WWC1: variants seen among roughly 807,000 people sequenced by gnomAD.
WWC1 encodes the protein WW and C2 domain containing 1.
A neutral mutation model predicts 138.4 loss-of-function variants in WWC1; 55 were observed. The observed-to-expected ratio is 0.40, with a 90% CI of 0.32 to 0.50. WWC1 has a LOEUF of 0.50. Among genes scored for constraint, WWC1 ranks in the 20% least tolerant of loss-of-function variants. The probability of loss-of-function intolerance (pLI) is 0.72; values close to 1 mark genes in which losing one functional copy is unlikely to be tolerated. For missense variants in WWC1, 1,226 were observed against 1,420.4 expected, an observed-to-expected ratio of 0.86 and a Z score of 2.20; for synonymous variants, 524 against 564.9, an observed-to-expected ratio of 0.93 and a Z score of 1.03.
intron 17 of WWC1, among the ~76,000 whole-genome samples, chr5:168,447,936 G>T (rs1324286639): frequency 2.0e-5 from 3 of 151,994 alleles, no homozygotes; most frequent in Non-Finnish European, 2.9e-5. Flanking sequence ...ACAGGCAAAG[G>T]TCTGATGCCA....
chr5:168,302,505 G>A (rs943403448), intron 1 of WWC1, among the ~76,000 whole-genome samples: 2 of 152,160 alleles, frequency 1.3e-5, no homozygotes, highest in African/African-American at 4.8e-5. Flanking sequence ...GACACCTGTC[G>A]ACAGTGGTGG....
intron 9 of WWC1, 67 bp downstream of exon 9, chr5:168,414,657 T>A: frequency 1.4e-6 from 2 of 1,478,166 alleles, no homozygotes. Context: ...AGCCCCCAGA[T>A]GGGGGAAGAA....
intron 15 of WWC1, among the ~76,000 whole-genome samples, chr5:168,437,728 A>C (rs549064613): frequency 3.3e-4 from 51 of 152,310 alleles, no homozygotes; most frequent in African/African-American, 1.2e-3. Context: ...AGCCCGCCCC[A>C]GATAAACAGT....
intron 1 of WWC1, among the ~76,000 whole-genome samples, chr5:168,342,675 C>T (rs1478105137): frequency 6.6e-6 from 1 of 151,944 alleles, no homozygotes; most frequent in Non-Finnish European, 1.5e-5. Context: ...CTATACCACA[C>T]TGTGTGGAGG....
chr5:168,467,627 C>A, intron 21 of WWC1: 1 of 637,012 alleles, frequency 1.6e-6, no homozygotes, highest in Non-Finnish European at 2.6e-6. Flanking sequence ...TCCTCAGATC[C>A]ACAGTTATTC....
chr5:168,372,434 G>A lies in WWC1; in HGVS notation c.229+901G>A, dbSNP rs1328097893. Among the ~76,000 whole-genome samples, 4 of 152,194 alleles carry A rather than the reference G, an allele frequency of 2.6e-5. No homozygotes were observed. In the East Asian group the frequency reaches 7.7e-4, roughly 29 times the overall value. ...GCATCCCCTTAATCCTCTCAGGCAA[G>A]AAGAAAATAGAATGAAATGGGATGT... On this transcript the variant is annotated intron_variant, in intron 2 of 22. Transcript: ENST00000265293.
intron 8 of WWC1, among the ~76,000 whole-genome samples, chr5:168,413,766 T>G (rs1663687725): frequency 6.6e-6 from 1 of 152,220 alleles, no homozygotes; most frequent in Non-Finnish European, 1.5e-5. Context: ...GGTCCAGAAC[T>G]GTCAGTGACT....
intron 1 of WWC1, among the ~76,000 whole-genome samples, chr5:168,366,734 C>T (rs1291142969): frequency 1.3e-5 from 2 of 151,864 alleles, no homozygotes. Context: ...GTCCCGTCCT[C>T]CTAACCCCAT....
chr5:168,304,919 G>T (rs187561008), intron 1 of WWC1, among the ~76,000 whole-genome samples: 134 of 151,616 alleles, frequency 8.8e-4, no homozygotes, highest in Non-Finnish European at 1.3e-3. Context: ...TTTGCCTCCT[G>T]GGTTCAAATG....
At chr5:168,326,060 G>A (rs1002998392) in intron 1 of WWC1, among the ~76,000 whole-genome samples, 2 of 151,894 alleles carry the variant, frequency 1.3e-5, no homozygotes, top group African/African-American at 2.4e-5. Context: ...TTCCTCTGTC[G>A]GTGGACATTT....
At chr5:168,468,002 C>T (rs540599113) in intron 22 of WWC1, 38 bp downstream of exon 22, 3 of 1,612,370 alleles carry the variant, frequency 1.9e-6, no homozygotes, top group Non-Finnish European at 2.5e-6. Flanking sequence ...ATCCCTTTCT[C>T]AGCCAACCCA....
At chr5:168,446,227 A>T (rs1379662175) in intron 17 of WWC1, among the ~76,000 whole-genome samples, 1 of 114,334 alleles carries the variant, frequency 8.7e-6, no homozygotes, top group African/African-American at 3.8e-5. Context: ...CTTCTCTCCC[A>T]TTATTAAAAA....
chr5:168,453,956 T>C lies in WWC1; in HGVS notation c.2526-12T>C. 1 of 1,611,574 alleles carries C rather than the reference T, an allele frequency of 6.2e-7. No individual in the cohort carries two copies. Among genetic ancestry groups the C allele is most frequent in the Non-Finnish European group, 8.5e-7 (1 of 1,179,658 alleles). The stretch of plus-strand genomic sequence containing the variant: ...CTTCTGGGTGGGTAACCAAAGTGCT[T>C]TGTCATCACAGGAGGTATGAGGAGA... On this transcript the variant is annotated splice_polypyrimidine_tract_variant and intron_variant, in intron 17 of 22. Coordinates refer to ENST00000265293, the MANE Select transcript of WWC1 (RefSeq NM_015238.3).
At chr5:168,442,628 G>A (rs1409509489) in intron 16 of WWC1, among the ~76,000 whole-genome samples, 1 of 151,894 alleles carries the variant, frequency 6.6e-6, no homozygotes, top group Non-Finnish European at 1.5e-5. Flanking sequence ...CTTGAGGTCA[G>A]GAGTTTGAGA....
Position 168,291,654 on chromosome 5 carries a change from G to A in WWC1, c.-499G>A, listed in dbSNP as rs940908368. 2 of 152,112 alleles carry A rather than the reference G, an allele frequency of 1.3e-5. No homozygotes were observed. Among genetic ancestry groups the A allele is most frequent in the Non-Finnish European group, 1.5e-5 (1 of 67,862 alleles). 9.4% of individuals were successfully genotyped at this position (152,112 alleles called of 1,614,324 possible). ...CGGCGCTCCGCCTCCCGTTTCCGGGGCAGCGCGGTTACCTGCACCGCCCGA... is the reference window on the plus strand; with the variant it reads ...CGGCGCTCCGCCTCCCGTTTCCGGGACAGCGCGGTTACCTGCACCGCCCGA... On this transcript the variant is annotated 5_prime_UTR_variant, in exon 1 of 23. Transcript: ENST00000265293.
chr5:168,322,161 A>G (rs1023366054), intron 1 of WWC1, among the ~76,000 whole-genome samples: 1 of 152,186 alleles, frequency 6.6e-6, no homozygotes. Flanking sequence ...ATTGATGCAA[A>G]TGCAGCTCTT....
chr5:168,411,891 G>T, intron 8 of WWC1: 1 of 831,928 alleles, frequency 1.2e-6, no homozygotes, highest in South Asian at 5.5e-5. Context: ...CAGGTGACTT[G>T]AAAGTACGAA....
intron 1 of WWC1, among the ~76,000 whole-genome samples, chr5:168,326,303 C>T (rs1377099815): frequency 1.3e-5 from 2 of 150,006 alleles, no homozygotes; most frequent in South Asian, 2.1e-4. Context: ...CCGCAACCTC[C>T]GCCTCCCAGG....
At chr5:168,388,950 C>T (rs910544689) in intron 3 of WWC1, among the ~76,000 whole-genome samples, 1 of 151,962 alleles carries the variant, frequency 6.6e-6, no homozygotes, top group Admixed American at 6.5e-5. Context: ...TTATTGTGAA[C>T]CACCCTAATG....
Sources: allele counts gnomAD v4.1 joint callset (sites outside exome capture counted in the v4.1 genomes callset), GRCh38; gene constraint gnomAD v4.1.1; transcripts MANE v1.5; gene names NCBI Gene and HGNC (gene_info 2026-07-23, HGNC 2026-07-21).